The following MAGI1 variants were observed in gnomAD, a reference collection of about 807,000 sequenced individuals.
MAGI1 encodes membrane associated guanylate kinase, WW and PDZ domain containing 1, also known as membrane-associated guanylate kinase, WW and PDZ domain-containing protein 1.
In MAGI1, 58 loss-of-function variants were observed where a neutral mutation model predicts 139.9. The observed-to-expected ratio is 0.41, with a 90% CI of 0.34 to 0.52. The LOEUF is 0.52. MAGI1 is among the 20% of genes least tolerant of loss of function. MAGI1 has a pLI of 0.12. For synonymous variants in MAGI1, 812 were observed against 737.9 expected, an observed-to-expected ratio of 1.10 and a Z score of -1.63; for missense variants, 1,874 against 1,901.6, an observed-to-expected ratio of 0.99 and a Z score of 0.27.
intron 1 of MAGI1, among the ~76,000 whole-genome samples, chr3:65,854,505 C>A (rs537114367): frequency 6.6e-6 from 1 of 152,298 alleles, no homozygotes; most frequent in Non-Finnish European, 1.5e-5. Flanking sequence ...ATTCCCATGC[C>A]AGCGTCTTCA....
At chr3:65,840,344 T>C (rs546419215) in intron 1 of MAGI1, among the ~76,000 whole-genome samples, 1 of 152,314 alleles carries the variant, frequency 6.6e-6, no homozygotes, top group African/African-American at 2.4e-5. Flanking sequence ...TTCACTGCCT[T>C]AGGCAGAAGG....
rs547426173 is a variant in MAGI1 at position 65,810,321 on chromosome 3, T to C, written c.314-188233A>G. Among the ~76,000 whole-genome samples the C allele has an allele frequency of 4.6e-5, 7 of 152,362 alleles. No individual in the cohort carries two copies. In the East Asian group the frequency reaches 1.4e-3, roughly 29 times the overall value. On this transcript the variant is annotated intron_variant, in intron 1 of 22. Transcript: ENST00000402939. Reference sequence around the variant, plus strand: ...GTCTAACTAGCAGAAGGCCTCTCTCTTTTATCCAGTCTCTATCCCATACAC... The same window carrying C: ...GTCTAACTAGCAGAAGGCCTCTCTCCTTTATCCAGTCTCTATCCCATACAC...
chr3:65,484,991 A>T (rs1476639501), intron 3 of MAGI1, among the ~76,000 whole-genome samples: 1 of 152,222 alleles, frequency 6.6e-6, no homozygotes, highest in Admixed American at 6.5e-5. Context: ...CTCAGGCCTG[A>T]CGCAGTGCCA....
At chr3:65,885,829 G>T (rs776230034) in intron 1 of MAGI1, among the ~76,000 whole-genome samples, 8 of 152,118 alleles carry the variant, frequency 5.3e-5, no homozygotes, top group Non-Finnish European at 7.4e-5. Flanking sequence ...TACTAGCAGC[G>T]TGAGAACGAA....
chr3:65,781,940 C>T (rs1417444549), intron 1 of MAGI1, among the ~76,000 whole-genome samples: 1 of 152,210 alleles, frequency 6.6e-6, no homozygotes, highest in African/African-American at 2.4e-5. Context: ...AAAACAGACT[C>T]GCTGGTAAAC....
intron 1 of MAGI1, among the ~76,000 whole-genome samples, chr3:65,950,113 T>A (rs1319837236): frequency 5.2e-5 from 4 of 76,746 alleles, no homozygotes; most frequent in African/African-American, 1.1e-4. Flanking sequence ...AAAACAGAAC[T>A]AGCAATATTA....
At chr3:65,822,890 C>G (rs2042024380) in intron 1 of MAGI1, among the ~76,000 whole-genome samples, 1 of 152,190 alleles carries the variant, frequency 6.6e-6, no homozygotes, top group Non-Finnish European at 1.5e-5. Context: ...ATCACTCCCA[C>G]AAGGCCCAAA....
intron 1 of MAGI1, among the ~76,000 whole-genome samples, chr3:65,947,906 C>T (rs2063612774): frequency 6.7e-6 from 1 of 149,134 alleles, no homozygotes; most frequent in Admixed American, 6.7e-5. Flanking sequence ...CATTGAGCAA[C>T]TGCTGTGCCC....
chr3:65,441,823 C>T (rs1193235680), intron 8 of MAGI1, among the ~76,000 whole-genome samples: 1 of 152,110 alleles, frequency 6.6e-6, no homozygotes, highest in Non-Finnish European at 1.5e-5. Context: ...CTATATTGAA[C>T]TCATAATTTC....
At chr3:65,774,026 G>A (rs549895054) in intron 1 of MAGI1, among the ~76,000 whole-genome samples, 4 of 151,372 alleles carry the variant, frequency 2.6e-5, no homozygotes, top group Admixed American at 2.6e-4. Flanking sequence ...ACACACTACA[G>A]ATTCCCATAA....
intron 1 of MAGI1, among the ~76,000 whole-genome samples, chr3:65,981,108 C>T (rs7637331): frequency 0.41 from 61,700 of 149,150 alleles, 15,959 homozygotes; most frequent in Admixed American, 0.58. Flanking sequence ...TTGCAGATCA[C>T]GCCACTGCAC....
intron 1 of MAGI1, among the ~76,000 whole-genome samples, chr3:65,753,660 C>G (rs1420735899): frequency 6.7e-6 from 1 of 149,278 alleles, no homozygotes; most frequent in Non-Finnish European, 1.5e-5. Context: ...GGCAGAGGTT[C>G]CAGTGAGCCA....
At chr3:65,787,770 C>T (rs1024902153) in intron 1 of MAGI1, among the ~76,000 whole-genome samples, 1 of 151,912 alleles carries the variant, frequency 6.6e-6, no homozygotes, top group East Asian at 1.9e-4. Context: ...GATATGATAA[C>T]ACCGCTGAAT....
intron 12 of MAGI1, among the ~76,000 whole-genome samples, chr3:65,408,926 G>C (rs1383519344): frequency 6.6e-6 from 1 of 152,206 alleles, no homozygotes; most frequent in African/African-American, 2.4e-5. Flanking sequence ...ACATTCTGTG[G>C]GGAGACAGAA....
intron 12 of MAGI1, among the ~76,000 whole-genome samples, chr3:65,419,669 C>T (rs62252617): frequency 6.6e-6 from 1 of 152,112 alleles, no homozygotes; most frequent in African/African-American, 2.4e-5. Flanking sequence ...CCTGTTTCTA[C>T]CCTAGGATCC....
At chr3:65,975,460 A>C (rs1367828855) in intron 1 of MAGI1, among the ~76,000 whole-genome samples, 2 of 152,094 alleles carry the variant, frequency 1.3e-5, no homozygotes, top group Non-Finnish European at 2.9e-5. Context: ...GTCTGAATTG[A>C]AAGATGGTTT....
intron 2 of MAGI1, among the ~76,000 whole-genome samples, chr3:65,496,081 G>A (rs948651132): frequency 6.6e-6 from 1 of 152,038 alleles, no homozygotes; most frequent in African/African-American, 2.4e-5. Context: ...TCGCTCTATC[G>A]CTCAGGCTGG....
chr3:65,802,883 T>TGTGTGTGC (rs2040605973), intron 1 of MAGI1, among the ~76,000 whole-genome samples: 1 of 151,784 alleles, frequency 6.6e-6, no homozygotes, highest in Non-Finnish European at 1.5e-5. Flanking sequence ...TGTGTGTGTG[T>TGTGTGTGC]GTGTGTGTCT....
At chr3:65,723,319 G>C (rs1396477309) in intron 1 of MAGI1, among the ~76,000 whole-genome samples, 1 of 152,148 alleles carries the variant, frequency 6.6e-6, no homozygotes, top group East Asian at 1.9e-4. Flanking sequence ...GAAGAAAAGA[G>C]CTACATCACC....
Sources: gnomAD v4.1 joint callset for allele counts (sites outside exome capture counted in the v4.1 genomes callset) on GRCh38, gnomAD v4.1.1 for gene constraint, MANE v1.5 for transcripts, NCBI Gene and HGNC (gene_info 2026-07-23, HGNC 2026-07-21) for gene names.